SYTL5: variants seen among roughly 807,000 people sequenced by gnomAD.
SYTL5 encodes the protein synaptotagmin like 5, also known as synaptotagmin-like protein 5.
In SYTL5, 34 loss-of-function variants were observed where a neutral mutation model predicts 55.9. The ratio of observed to expected loss-of-function variants is 0.61; its 90% CI spans 0.46 to 0.81. The LOEUF is 0.81. Among genes scored for constraint, SYTL5 ranks in the 30% least tolerant of loss-of-function variants. The pLI is 0.00. For missense variants in SYTL5, 637 were observed against 546.7 expected (o/e 1.17, Z -1.65); for synonymous variants, 221 against 188.7 (o/e 1.17, Z -1.40).
At chrX:37,934,825 G>A in the SYTL5 span, among the ~76,000 whole-genome samples, 1 of 109,934 alleles carries the variant, frequency 9.1e-6, no homozygotes, top group African/African-American at 3.3e-5. Context: ...GTAGAGGTGG[G>A]GTTTCACCAT....
chrX:37,993,800 A>G, the SYTL5 span, among the ~76,000 whole-genome samples: 15 of 112,617 alleles, frequency 1.3e-4, no homozygotes, highest in Non-Finnish European at 2.4e-4. Flanking sequence ...ACAGGACAAT[A>G]CTTTCATTGA....
chrX:38,112,265 T>C (rs1266527798), intron 13 of SYTL5, among the ~76,000 whole-genome samples: 2 of 111,646 alleles, frequency 1.8e-5, no homozygotes, highest in Non-Finnish European at 1.9e-5. Context: ...GTCCTGGGAA[T>C]TTTTATACCC....
At chrX:37,940,696 A>G in the SYTL5 span, among the ~76,000 whole-genome samples, 1 of 108,894 alleles carries the variant, frequency 9.2e-6, no homozygotes, top group Non-Finnish European at 1.9e-5. Flanking sequence ...GGGCCTGTAA[A>G]ATTTATTGGA....
At chrX:37,955,430 A>G in the SYTL5 span, among the ~76,000 whole-genome samples, 240 of 112,284 alleles carry the variant, frequency 2.1e-3, 1 homozygote, top group African/African-American at 7.4e-3. Flanking sequence ...GATGACTCAA[A>G]CTATTTACTT....
the SYTL5 span, among the ~76,000 whole-genome samples, chrX:37,976,754 G>T: frequency 9.7e-6 from 1 of 103,301 alleles, no homozygotes; most frequent in African/African-American, 3.6e-5. Context: ...GCAGATCACC[G>T]ACCAGCCTTG....
At chrX:38,063,992 T>C (rs1348800052) in intron 3 of SYTL5, among the ~76,000 whole-genome samples, 4 of 110,942 alleles carry the variant, frequency 3.6e-5, no homozygotes. Context: ...CTGTGGATCA[T>C]GACCCATTGG....
At chrX:37,968,944 C>T in the SYTL5 span, among the ~76,000 whole-genome samples, 2,702 of 111,912 alleles carry the variant, frequency 0.024, 84 homozygotes, top group African/African-American at 0.083. Context: ...CAAAATGGAA[C>T]AATTTCTTTA....
intron 7 of SYTL5, among the ~76,000 whole-genome samples, chrX:38,092,881 G>GTA (rs1291056397): frequency 8.9e-6 from 1 of 111,833 alleles, no homozygotes; most frequent in Non-Finnish European, 1.9e-5. Flanking sequence ...AACCTCCAGG[G>GTA]TATGTATTGC....
At chrX:37,949,887 C>A in the SYTL5 span, among the ~76,000 whole-genome samples, 128 of 111,772 alleles carry the variant, frequency 1.1e-3, no homozygotes, top group African/African-American at 3.9e-3. Context: ...CTCTAGATCT[C>A]TCCTGTCATA....
At chrX:37,976,774 T>A in the SYTL5 span, among the ~76,000 whole-genome samples, 1 of 96,111 alleles carries the variant, frequency 1.0e-5, no homozygotes, top group Non-Finnish European at 2.0e-5. Context: ...GCCAACATGG[T>A]GAGGCCCTGT....
At chrX:38,042,329 A>G (rs1454051714) in intron 2 of SYTL5, among the ~76,000 whole-genome samples, 1 of 110,714 alleles carries the variant, frequency 9.0e-6, no homozygotes, top group Non-Finnish European at 1.9e-5. Context: ...CTCAAGGCTA[A>G]AGTTGGCCTT....
At chrX:37,986,009 T>A in the SYTL5 span, among the ~76,000 whole-genome samples, 1 of 110,483 alleles carries the variant, frequency 9.1e-6, no homozygotes, top group Admixed American at 9.6e-5. Flanking sequence ...AAAAATTAAC[T>A]CAAAATGAAT....
At chrX:38,082,148 C>A (rs1022212408) in intron 6 of SYTL5, among the ~76,000 whole-genome samples, 2 of 111,921 alleles carry the variant, frequency 1.8e-5, no homozygotes, top group Admixed American at 9.5e-5. Context: ...CAGCCACACC[C>A]ATGCTTCATT....
chrX:38,045,059 C>T (rs1351125994), intron 2 of SYTL5, among the ~76,000 whole-genome samples: 3 of 111,724 alleles, frequency 2.7e-5, no homozygotes, highest in Non-Finnish European at 5.6e-5. Flanking sequence ...AGACCTTGAA[C>T]TCATGATTTG....
At chrX:37,920,612 T>A in the SYTL5 span, among the ~76,000 whole-genome samples, 1 of 111,009 alleles carries the variant, frequency 9.0e-6, no homozygotes, top group African/African-American at 3.3e-5. Context: ...CCAGAATTCT[T>A]GTGGTTTGCT....
intron 3 of SYTL5, among the ~76,000 whole-genome samples, chrX:38,063,622 A>G (rs1248370832): frequency 9.0e-6 from 1 of 111,555 alleles, no homozygotes; most frequent in Non-Finnish European, 1.9e-5. Flanking sequence ...TCTAAGTAAC[A>G]TGTTTTCTAG....
chrX:38,071,215 A>G (rs1024030336), intron 3 of SYTL5, among the ~76,000 whole-genome samples: 1 of 111,746 alleles, frequency 8.9e-6, no homozygotes, highest in Non-Finnish European at 1.9e-5. Flanking sequence ...AGGACGCTAT[A>G]AGTAATGGGA....
At chrX:37,934,526 A>G in the SYTL5 span, among the ~76,000 whole-genome samples, 30 of 109,767 alleles carry the variant, frequency 2.7e-4, no homozygotes, top group Non-Finnish European at 4.4e-4. Flanking sequence ...AAAAAGAAAA[A>G]CATAGCCTAA....
At position 38,054,202 on chromosome X, in the gene SYTL5, T is replaced by C; in HGVS notation, c.120-11T>C. The C allele has an allele frequency of 8.4e-7, 1 of 1,192,816 alleles. No homozygotes were observed. On this transcript the variant is annotated splice_polypyrimidine_tract_variant and intron_variant, in intron 2 of 16. Transcript: ENST00000297875. ...TTTTTTTAAGTGATTTTTTTTCCCC[T>C]CTTCTTTCAGGAAGCTGAAAAATGA...
Sources: gnomAD v4.1 joint callset for allele counts (sites outside exome capture counted in the v4.1 genomes callset) on GRCh38, gnomAD v4.1.1 for gene constraint, MANE v1.5 for transcripts, NCBI Gene and HGNC (gene_info 2026-07-23, HGNC 2026-07-21) for gene names.